PSD4: variants seen among roughly 807,000 people sequenced by gnomAD.
PSD4 encodes the protein pleckstrin and Sec7 domain containing 4.
A neutral mutation model predicts 112.5 loss-of-function variants in PSD4; 59 were observed. That is an observed-to-expected ratio of 0.52 (90% CI 0.43 to 0.65). The LOEUF is 0.65. Among genes scored for constraint, PSD4 ranks in the 30% least tolerant of loss-of-function variants. The pLI is 0.00. For missense variants in PSD4, 1,267 were observed against 1,352.6 expected (o/e 0.94, Z 0.99); for synonymous variants, 533 against 540.0 (o/e 0.99, Z 0.18).
At chr2:113,198,587 A>T in intron 14 of PSD4, 153 bp from the exon 15 acceptor site, 1 of 879,828 alleles carries the variant, frequency 1.1e-6, no homozygotes, top group Non-Finnish European at 1.6e-6. Flanking sequence ...CCACGGTCAG[A>T]GGTCGGGTGC....
chr2:113,194,307 G>C (rs1260580571), intron 10 of PSD4, among the ~76,000 whole-genome samples: 1 of 152,210 alleles, frequency 6.6e-6, no homozygotes, highest in Non-Finnish European at 1.5e-5. Context: ...TGGGAGCCTG[G>C]TGTTCCTGGG....
At chr2:113,195,440 G>A (rs912471868) in intron 10 of PSD4, among the ~76,000 whole-genome samples, 7 of 152,162 alleles carry the variant, frequency 4.6e-5, no homozygotes, top group Non-Finnish European at 1.0e-4. Context: ...GGGATTAGAG[G>A]TGTGAGCCAC....
chr2:113,193,486 T>C, intron 8 of PSD4, 106 bp from the exon 9 acceptor site: 1 of 1,497,402 alleles, frequency 6.7e-7, no homozygotes, highest in East Asian at 2.3e-5. Context: ...CTGTGGAGAA[T>C]GGAAGCATTC....
chr2:113,197,904 T>C lies in PSD4; in HGVS notation c.2615T>C (p.Phe872Ser). ...LRTADWRLYL[F>S]QAPTAKEMSS... is the part of the protein sequence containing the mutation. ...ACGGCTGACTGGCGCCTCTACCTCT[T>C]CCAGGCACCGTAAGTCCCTGGGGTG... is the stretch of plus-strand genomic sequence containing the variant. The change falls in exon 14 of 17, where the codon TTC (phenylalanine) becomes TCC (serine). Residue 872 changes from phenylalanine to serine, a missense_variant. Physicochemically the swap from Phe to Ser is radical, Grantham distance 155. This residue lies in a region of PSD4 where 544 missense variants were observed against 648.6 expected (regional missense o/e 0.84). Coordinates refer to ENST00000245796, the MANE Select transcript of PSD4 (RefSeq NM_012455.3). The C allele has an allele frequency of 6.3e-7, 1 of 1,582,904 alleles. No individual in the cohort carries two copies. The highest frequency in any genetic ancestry group is 2.3e-5 in the East Asian group (1 of 44,288).
At chr2:113,177,506 G>T (rs543310822) in intron 1 of PSD4, among the ~76,000 whole-genome samples, 1 of 152,334 alleles carries the variant, frequency 6.6e-6, no homozygotes, top group South Asian at 2.1e-4. Flanking sequence ...TGGGGCAGGA[G>T]GAGAGAATGA....
At chr2:113,192,267 C>A (rs1341187071) in intron 5 of PSD4, 113 bp from the exon 6 acceptor site, 23 of 1,013,758 alleles carry the variant, frequency 2.3e-5, no homozygotes, top group Non-Finnish European at 3.3e-5. Flanking sequence ...TGAGTAAGGG[C>A]CTGGGTCCAG....
intron 5 of PSD4, among the ~76,000 whole-genome samples, chr2:113,190,779 T>C (rs1573366452): frequency 6.6e-6 from 1 of 152,194 alleles, no homozygotes. Flanking sequence ...ATGGCCTTTA[T>C]GATCTTACTG....
At position 113,180,814 on chromosome 2, in the gene PSD4, G is replaced by A. The variant is rs114953372; in HGVS notation, c.-111-1532G>A. ...GGTTATAAACTGGGAGCATGTGTGT[G>A]TTTGTTAATAGTCTTGCTCCCCAAA... is the stretch of plus-strand genomic sequence containing the variant. On this transcript the variant is annotated intron_variant, in intron 1 of 16. Transcript: ENST00000245796. Among the ~76,000 whole-genome samples the A allele has an allele frequency of 5.2e-3, 785 of 152,274 alleles. 10 individuals are homozygous for A. Among genetic ancestry groups the A allele is most frequent in the African/African-American group, 0.018 (732 of 41,548 alleles).
chr2:113,176,649 C>T (rs7595962), intron 1 of PSD4, among the ~76,000 whole-genome samples: 51,998 of 152,156 alleles, frequency 0.34, 10,449 homozygotes, highest in East Asian at 0.63. Context: ...GTGGCGATTC[C>T]TTTGCTGCGA....
intron 10 of PSD4, 76 bp downstream of exon 10, chr2:113,194,024 G>A: frequency 6.9e-7 from 1 of 1,456,456 alleles, no homozygotes; most frequent in South Asian, 1.2e-5. Flanking sequence ...GGGAGATGCT[G>A]AGCTTGGGAC....
rs532067767 is a variant in PSD4 at position 113,196,213 on chromosome 2, G to A, written c.2292G>A (p.Lys764=). Residue 764 remains lysine, a synonymous_variant, in exon 12 of 17, where the codon AAG becomes AAA. Coordinates refer to ENST00000245796, the MANE Select transcript of PSD4 (RefSeq NM_012455.3). The part of the protein sequence containing the change: ...QPSLPAGKMS[K]PFLQLAQDPT... ...CCCTGCCAGCTGGCAAGATGAGCAA[G>A]CCCTTCCTTCAGCTGGCTCAGGATC... 1.5e-5 allele frequency: 24 copies of A among 1,614,128 alleles called. No homozygotes were observed. The South Asian group carries it at 2.6e-4, about 18-fold the overall frequency.
chr2:113,193,427 G>A, intron 8 of PSD4, 57 bp downstream of exon 8: 1 of 1,550,686 alleles, frequency 6.4e-7, no homozygotes, highest in Non-Finnish European at 8.9e-7. Flanking sequence ...GCCCATGTCT[G>A]CTTGGGAGTT....
At chr2:113,177,721 A>C (rs969122024) in intron 1 of PSD4, among the ~76,000 whole-genome samples, 1 of 152,212 alleles carries the variant, frequency 6.6e-6, no homozygotes, top group Admixed American at 6.5e-5. Flanking sequence ...AATCAGTTAC[A>C]TAATGTGACT....
Position 113,204,438 on chromosome 2 carries a change from A to G in PSD4, c.*3023A>G, listed in dbSNP as rs2104513131. On this transcript the variant is annotated 3_prime_UTR_variant, in exon 17 of 17. Coordinates refer to ENST00000245796, the MANE Select transcript of PSD4 (RefSeq NM_012455.3). ...CTCCAGTCCCCATCCTAGGTATGGAACAGATCAAACCACCACAGGCCTATG... is the reference window on the plus strand; with the variant it reads ...CTCCAGTCCCCATCCTAGGTATGGAGCAGATCAAACCACCACAGGCCTATG... The G allele has an allele frequency of 6.6e-6, 1 of 152,458 alleles. No homozygotes were observed. 9.4% of individuals were successfully genotyped at this position (152,458 alleles called of 1,614,324 possible). A position where few individuals can be genotyped will look rare whatever the true frequency, so the allele number is the denominator to read the frequency against.
At chr2:113,174,549 G>A (rs1186333524) in intron 1 of PSD4, among the ~76,000 whole-genome samples, 1 of 152,148 alleles carries the variant, frequency 6.6e-6, no homozygotes, top group African/African-American at 2.4e-5. Flanking sequence ...TGGGGTGGGG[G>A]TGGCTCTGGG....
intron 2 of PSD4, among the ~76,000 whole-genome samples, chr2:113,184,369 A>G (rs1422502426): frequency 3.5e-5 from 5 of 143,944 alleles, no homozygotes; most frequent in Non-Finnish European, 7.5e-5. Context: ...CCATTTTCTC[A>G]GGACTTTCTT....
rs145672777 is a variant in PSD4, at chr2:113,183,160, C to T, written c.704C>T (p.Pro235Leu). 8.5e-4 allele frequency: 1,366 copies of T among 1,614,172 alleles called. 2 individuals are homozygous for T. The highest frequency in any genetic ancestry group is 1.1e-3 in the Non-Finnish European group (1,279 of 1,180,010). ...WLREGTPDSS[P>L]QWGAEEESMF... ...AGAGAGGGAACCCCAGACTCTTCCCCACAGTGGGGAGCTGAGGAGGAGAGC... is the reference window on the plus strand; with the variant it reads ...AGAGAGGGAACCCCAGACTCTTCCCTACAGTGGGGAGCTGAGGAGGAGAGC... The change falls in exon 2 of 17, where the codon CCA becomes CTA. Residue 235 changes from proline (P) to leucine (L), a missense_variant. Coordinates refer to ENST00000245796, the MANE Select transcript of PSD4 (RefSeq NM_012455.3).
At chr2:113,192,288 C>A in intron 5 of PSD4, 92 bp from the exon 6 acceptor site, 2 of 1,268,448 alleles carry the variant, frequency 1.6e-6, no homozygotes, top group Admixed American at 1.7e-5. Flanking sequence ...CTCCTCCGGG[C>A]CCCACCATTC....
In PSD4 at chr2:113,183,163, A is replaced by G; in HGVS notation, c.707A>G (p.Gln236Arg). The stretch of plus-strand genomic sequence containing the variant: ...GAGGGAACCCCAGACTCTTCCCCAC[A>G]GTGGGGAGCTGAGGAGGAGAGCATG... ...LREGTPDSSP[Q>R]WGAEEESMFF... The change falls in exon 2 of 17, where the codon CAG (glutamine) becomes CGG (arginine). Residue 236 changes from glutamine to arginine, a missense_variant. Physicochemically the swap from Gln to Arg is conservative, Grantham distance 43. Coordinates refer to ENST00000245796, the MANE Select transcript of PSD4 (RefSeq NM_012455.3). The G allele has an allele frequency of 6.2e-7, 1 of 1,614,116 alleles. No individual in the cohort carries two copies. The highest frequency in any genetic ancestry group is 1.3e-5 in the African/African-American group (1 of 75,040).
Sources: gnomAD v4.1 joint callset for allele counts (sites outside exome capture counted in the v4.1 genomes callset) on GRCh38, gnomAD v4.1.1 for gene constraint, gnomAD v4.1.1 regional missense constraint, MANE v1.5 for transcripts, NCBI Gene and HGNC (gene_info 2026-07-23, HGNC 2026-07-21) for gene names.